Variants in TESK2 observed in about 807,000 individuals in gnomAD.
The protein encoded by TESK2 is testis associated actin remodelling kinase 2, also known as dual specificity testis-specific protein kinase 2.
A neutral mutation model predicts 57.1 loss-of-function variants in TESK2; 39 were observed. That is an observed-to-expected ratio of 0.68 (90% confidence interval 0.53 to 0.89). The LOEUF is 0.89. TESK2 is among the 40% of genes least tolerant of loss of function. The pLI is 0.00. For missense variants in TESK2, 646 were observed against 732.1 expected (o/e 0.88, Z 1.36); for synonymous variants, 249 against 267.9 (o/e 0.93, Z 0.69).
At chr1:45,464,045 G>T (rs1374526247) in intron 1 of TESK2, among the ~76,000 whole-genome samples, 1 of 152,024 alleles carries the variant, frequency 6.6e-6, no homozygotes, top group Non-Finnish European at 1.5e-5. Context: ...AAAATTTGAG[G>T]ATTTTTTTTC....
intron 4 of TESK2, among the ~76,000 whole-genome samples, chr1:45,380,926 G>A (rs1182848591): frequency 6.6e-6 from 1 of 152,216 alleles, no homozygotes; most frequent in East Asian, 1.9e-4. Flanking sequence ...CTTGTGCTTA[G>A]CACCGTGGGG....
intron 3 of TESK2, among the ~76,000 whole-genome samples, chr1:45,416,905 G>A (rs1417353434): frequency 6.6e-6 from 1 of 151,850 alleles, no homozygotes; most frequent in African/African-American, 2.4e-5. Flanking sequence ...TCCTGCCTCA[G>A]CCTCCTGAGT....
At chr1:45,376,373 G>A (rs1648427160) in intron 4 of TESK2, among the ~76,000 whole-genome samples, 3 of 143,840 alleles carry the variant, frequency 2.1e-5, no homozygotes, top group East Asian at 2.1e-4. Flanking sequence ...CCGCCACCAC[G>A]TCTGGCTAAT....
intron 9 of TESK2, 116 bp from the exon 10 acceptor site, chr1:45,346,110 C>G: frequency 1.3e-6 from 1 of 785,038 alleles, no homozygotes; most frequent in Non-Finnish European, 2.2e-6. Flanking sequence ...GAGACCTTTT[C>G]TAAAGGCCCC....
At chr1:45,398,851 C>T (rs994467773) in intron 3 of TESK2, 2 of 401,716 alleles carry the variant, frequency 5.0e-6, no homozygotes, top group African/African-American at 4.2e-5. Flanking sequence ...AAAACCTCAA[C>T]ACTATTTTCC....
intron 1 of TESK2, among the ~76,000 whole-genome samples, chr1:45,484,473 T>C (rs964999657): frequency 1.3e-5 from 2 of 151,232 alleles, no homozygotes; most frequent in Admixed American, 6.6e-5. Context: ...CGGTGGCTCA[T>C]GCCTGTAATC....
chr1:45,445,624 CA>C (rs747691865), intron 2 of TESK2, among the ~76,000 whole-genome samples: 7,119 of 108,020 alleles, frequency 0.066, 222 homozygotes, highest in Non-Finnish European at 0.097. Flanking sequence ...CTGTCTCTAC[CA>C]AAAAAAAAAA....
intron 1 of TESK2, among the ~76,000 whole-genome samples, chr1:45,484,828 G>A (rs974042841): frequency 3.3e-5 from 5 of 151,792 alleles, no homozygotes; most frequent in African/African-American, 7.2e-5. Flanking sequence ...TCAGGAGATC[G>A]AGACCATCCT....
intron 3 of TESK2, among the ~76,000 whole-genome samples, chr1:45,407,349 C>T (rs537085276): frequency 4.6e-5 from 7 of 152,206 alleles, no homozygotes; most frequent in Admixed American, 6.5e-5. Context: ...TGTGAGCCAC[C>T]GTGCCTGGCC....
chr1:45,452,032 C>CAAAAAAAAAAAAAAAAAAAAAAAAAAA lies in TESK2; in HGVS notation c.222+5531_222+5532insTTTTTTTTTTTTTTTTTTTTTTTTTTT, dbSNP rs566363776. On this transcript the variant is annotated intron_variant, in intron 2 of 10. Coordinates refer to ENST00000372086, the MANE Select transcript of TESK2 (RefSeq NM_007170.3). ...TGGGAGACAGAACAAGACTCCGTCTCAAAAAAAAAAAAAAATTTATTTGGT... is the reference window on the plus strand; with the variant it reads ...TGGGAGACAGAACAAGACTCCGTCTCAAAAAAAAAAAAAAAAAAAAAAAAAAAAAAAAAAAAAAAAAATTTATTTGGT... Among the ~76,000 whole-genome samples the CAAAAAAAAAAAAAAAAAAAAAAAAAAA allele has an allele frequency of 1.1e-3, 114 of 103,724 alleles. 5 individuals are homozygous for CAAAAAAAAAAAAAAAAAAAAAAAAAAA. Among genetic ancestry groups the CAAAAAAAAAAAAAAAAAAAAAAAAAAA allele is most frequent in the African/African-American group, 3.5e-3 (83 of 23,566 alleles). The allele number at this position is 103,724 out of a possible 152,430, so 68.0% of individuals were successfully genotyped here.
intron 4 of TESK2, among the ~76,000 whole-genome samples, chr1:45,363,801 C>T (rs1221343725): frequency 1.3e-5 from 2 of 151,776 alleles, no homozygotes; most frequent in Non-Finnish European, 2.9e-5. Flanking sequence ...ATAGTGGTGA[C>T]TGCAGTTAGG....
At chr1:45,474,885 C>G (rs1570767851) in intron 1 of TESK2, among the ~76,000 whole-genome samples, 1 of 150,814 alleles carries the variant, frequency 6.6e-6, no homozygotes. Context: ...TAATATTGGA[C>G]CCGATGCAAA....
chr1:45,362,581 GAGA>G (rs1186161073), intron 4 of TESK2, among the ~76,000 whole-genome samples: 2 of 152,210 alleles, frequency 1.3e-5, no homozygotes, highest in African/African-American at 4.8e-5. Flanking sequence ...AAGGCATTCA[GAGA>G]AGGTCTGGAG....
chr1:45,386,875 A>C (rs1001824434), intron 3 of TESK2, among the ~76,000 whole-genome samples: 1 of 152,058 alleles, frequency 6.6e-6, no homozygotes, highest in Non-Finnish European at 1.5e-5. Flanking sequence ...GATGGTCTCA[A>C]TCTCTTGACC....
intron 2 of TESK2, among the ~76,000 whole-genome samples, chr1:45,433,516 A>G (rs1007398733): frequency 3.3e-5 from 5 of 152,172 alleles, no homozygotes; most frequent in Non-Finnish European, 7.3e-5. Flanking sequence ...GCTCTCACAT[A>G]TAAGTGAGAA....
chr1:45,441,210 G>A (rs988399133), intron 2 of TESK2, among the ~76,000 whole-genome samples: 6 of 152,036 alleles, frequency 3.9e-5, no homozygotes, highest in Admixed American at 3.9e-4. Flanking sequence ...TCGCTACATC[G>A]CCCAGGCTGG....
At chr1:45,398,785 T>G (rs1649463697) in intron 3 of TESK2, 3 of 327,882 alleles carry the variant, frequency 9.1e-6, no homozygotes, top group African/African-American at 6.5e-5. Context: ...TAACACTAAG[T>G]TCTGGCCAGT....
intron 4 of TESK2, among the ~76,000 whole-genome samples, chr1:45,359,583 G>T (rs1301941015): frequency 2.0e-5 from 3 of 150,854 alleles, no homozygotes; most frequent in Non-Finnish European, 3.0e-5. Flanking sequence ...GTAAAAGTTG[G>T]CCAGGCGAGA....
At chr1:45,454,885 C>T (rs1035112327) in intron 2 of TESK2, among the ~76,000 whole-genome samples, 15 of 152,204 alleles carry the variant, frequency 9.9e-5, no homozygotes, top group African/African-American at 3.6e-4. Flanking sequence ...AGTGAATTAA[C>T]TCTAACACAA....
Sources: allele counts gnomAD v4.1 joint callset (sites outside exome capture counted in the v4.1 genomes callset), GRCh38; gene constraint gnomAD v4.1.1; transcripts MANE v1.5; gene names NCBI Gene and HGNC (gene_info 2026-07-23, HGNC 2026-07-21).